Variants in ANKRD12 observed in about 807,000 individuals in gnomAD.
ANKRD12 encodes the protein ankyrin repeat domain-containing protein 12.
ANKRD12 carries 85 observed loss-of-function variants against 183.4 expected under a neutral mutation model. The observed-to-expected ratio is 0.46, with a 90% CI of 0.39 to 0.56. The LOEUF is 0.56. Among genes scored for constraint, ANKRD12 ranks in the 20% least tolerant of loss-of-function variants. The pLI is 0.00. For missense variants in ANKRD12, 2,405 were observed against 2,357.1 expected (o/e 1.02, Z -0.42); for synonymous variants, 914 against 800.2 (o/e 1.14, Z -2.40).
intron 2 of ANKRD12, 145 bp downstream of exon 2, chr18:9,182,664 G>A: frequency 4.5e-6 from 2 of 445,278 alleles, no homozygotes; most frequent in Non-Finnish European, 7.9e-6. Flanking sequence ...GAAATAAATT[G>A]GATTCCTGGG....
chr18:9,256,568 A>G lies in ANKRD12; in HGVS notation c.3301A>G (p.Lys1101Glu). ...IEQWHKKHKE[K>E]IKQKEKERLR... is the part of the protein sequence containing the mutation. The stretch of plus-strand genomic sequence containing the variant: ...ACAGTGGCACAAAAAACATAAGGAA[A>G]AAATTAAGCAAAAAGAAAAGGAACG... Residue 1101 changes from lysine (K) to glutamate (E), a missense_variant, in exon 9 of 13, where the codon AAA (lysine) becomes GAA (glutamate). Physicochemically the swap from Lys to Glu is moderately conservative, Grantham distance 56 (BLOSUM62 1). Transcript: ENST00000262126. 6.3e-7 allele frequency: 1 copy of G among 1,596,036 alleles called. No homozygotes were observed. The highest frequency in any genetic ancestry group is 1.4e-5 in the African/African-American group (1 of 73,510).
At position 9,219,689 on chromosome 18, in the gene ANKRD12, C is replaced by T. The variant is rs553537524; in HGVS notation, c.796-2163C>T. Among the ~76,000 whole-genome samples, 23 of 151,102 alleles carry T rather than the reference C, an allele frequency of 1.5e-4. 1 individual carries two copies. The South Asian group carries it at 4.0e-3, about 26-fold the overall frequency. On this transcript the variant is annotated intron_variant, in intron 7 of 12. Transcript: ENST00000262126. ...GTTGGCCCGTAGGTCATAATTTGCCCACCTCTGATTTAAAAGAGACAAGAA... is the reference window on the plus strand; with the variant it reads ...GTTGGCCCGTAGGTCATAATTTGCCTACCTCTGATTTAAAAGAGACAAGAA...
rs1164869958 is a variant in ANKRD12 at position 9,285,597 on chromosome 18, T to G, written c.*4471T>G. 6.6e-6 allele frequency: 1 copy of G among 152,128 alleles called. No individual in the cohort carries two copies. The highest frequency in any genetic ancestry group is 2.4e-5 in the African/African-American group (1 of 41,432). The allele number at this position is 152,128 out of a possible 1,614,324, so 9.4% of individuals were successfully genotyped here. ...AATTACCCAGATCTTAACTAGGCAG[T>G]TTGATAAATCCTGACAAATGTAAAC... On this transcript the variant is annotated 3_prime_UTR_variant, in exon 13 of 13. Transcript: ENST00000262126.
At chr18:9,272,140 T>C (rs1274838649) in intron 10 of ANKRD12, among the ~76,000 whole-genome samples, 1 of 152,160 alleles carries the variant, frequency 6.6e-6, no homozygotes, top group African/African-American at 2.4e-5. Flanking sequence ...GAGGCTCTGC[T>C]CTAGGGGTTT....
chr18:9,205,892 T>C (rs1262853867), intron 4 of ANKRD12, among the ~76,000 whole-genome samples: 1 of 152,120 alleles, frequency 6.6e-6, no homozygotes, highest in Non-Finnish European at 1.5e-5. Context: ...GAGACACTAA[T>C]AGGTTTATGA....
chr18:9,257,641 A>T lies in ANKRD12; in HGVS notation c.4374A>T (p.Val1458=). Residue 1458 remains valine (V), a synonymous_variant, in exon 9 of 13, where the codon GTA becomes GTT. Coordinates refer to ENST00000262126, the MANE Select transcript of ANKRD12 (RefSeq NM_015208.5). ...LQSFCNSENK[V]LKENADFLSL... is the part of the protein sequence containing the mutation. ...GTTTTTGTAATTCTGAAAATAAGGT[A>T]TTGAAAGAAAATGCTGATTTTTTAT... 1 of 1,613,976 alleles carries T rather than the reference A, an allele frequency of 6.2e-7. No individual in the cohort carries two copies.
intron 1 of ANKRD12, among the ~76,000 whole-genome samples, chr18:9,139,894 A>G (rs1337221934): frequency 6.6e-6 from 1 of 152,152 alleles, no homozygotes; most frequent in Non-Finnish European, 1.5e-5. Flanking sequence ...CTAGTTAAAA[A>G]CTAGTCTGTG....
intron 1 of ANKRD12, among the ~76,000 whole-genome samples, chr18:9,178,435 A>C (rs2033455408): frequency 6.6e-6 from 1 of 152,120 alleles, no homozygotes; most frequent in African/African-American, 2.4e-5. Flanking sequence ...AGATTTGTTG[A>C]AAATCGGTTG....
intron 8 of ANKRD12, among the ~76,000 whole-genome samples, chr18:9,251,387 A>G (rs892563903): frequency 6.6e-6 from 1 of 152,250 alleles, no homozygotes; most frequent in Non-Finnish European, 1.5e-5. Flanking sequence ...CATGCTTTAA[A>G]TGTTACAGTC....
chr18:9,255,642 C>A lies in ANKRD12; in HGVS notation c.2375C>A (p.Ala792Asp). Residue 792 changes from alanine to aspartate, a missense_variant, in exon 9 of 13, where the codon GCC becomes GAC. Ala to Asp is a moderately radical substitution (Grantham distance 126). Transcript: ENST00000262126. Reference sequence around the variant, plus strand: ...GAATTTACTTCTTTGGGTATGAGTGCCATTGAGGAATCTATAGGGCTTCAT... The same window carrying A: ...GAATTTACTTCTTTGGGTATGAGTGACATTGAGGAATCTATAGGGCTTCAT... The part of the protein sequence containing the change: ...DSEFTSLGMS[A>D]IEESIGLHLV... 1 of 1,576,146 alleles carries A rather than the reference C, an allele frequency of 6.3e-7. No homozygotes were observed. The highest frequency in any genetic ancestry group is 1.2e-5 in the South Asian group (1 of 82,682).
intron 8 of ANKRD12, among the ~76,000 whole-genome samples, chr18:9,252,197 C>T (rs1248809032): frequency 6.6e-6 from 1 of 152,160 alleles, no homozygotes; most frequent in Non-Finnish European, 1.5e-5. Context: ...AGCTCAGGAT[C>T]AGGTTGATCT....
At chr18:9,268,758 GA>G (rs1286967144) in intron 10 of ANKRD12, among the ~76,000 whole-genome samples, 1 of 152,164 alleles carries the variant, frequency 6.6e-6, no homozygotes, top group African/African-American at 2.4e-5. Flanking sequence ...CATAGTGTTG[GA>G]AGTTGTGGCC....
chr18:9,269,311 A>T (rs544989729), intron 10 of ANKRD12, among the ~76,000 whole-genome samples: 5 of 152,352 alleles, frequency 3.3e-5, no homozygotes, highest in African/African-American at 1.2e-4. Context: ...CGCATTGCCA[A>T]GTCAGTCCTA....
In ANKRD12 at chr18:9,157,577, G is replaced by GTATATATATA. The variant is rs1439951194; in HGVS notation, c.-52+20613_-52+20614insATATATATAT. 5.0e-3 allele frequency among the ~76,000 whole-genome samples: 572 copies of GTATATATATA among 114,234 alleles called. 12 individuals carry two copies. Among genetic ancestry groups the GTATATATATA allele is most frequent in the Non-Finnish European group, 7.5e-3 (432 of 57,796 alleles). 74.9% of individuals were successfully genotyped at this position (114,234 alleles called of 152,430 possible). A position where few individuals can be genotyped will look rare whatever the true frequency, so the allele number is the denominator to read the frequency against. On this transcript the variant is annotated intron_variant, in intron 1 of 12. Coordinates refer to ENST00000262126, the MANE Select transcript of ANKRD12 (RefSeq NM_015208.5). ...TGTGTGTGTGTGTGTGTGTGTGTGTGTGTGTGTGTATATATATATATATGT... is the reference window on the plus strand; with the variant it reads ...TGTGTGTGTGTGTGTGTGTGTGTGTGTATATATATATGTGTGTGTATATATATATATATGT...
At chr18:9,152,944 G>A (rs947442803) in intron 1 of ANKRD12, among the ~76,000 whole-genome samples, 7 of 151,794 alleles carry the variant, frequency 4.6e-5, no homozygotes, top group Non-Finnish European at 8.8e-5. Context: ...AGACTTATTA[G>A]ATTATAAACT....
chr18:9,252,258 A>G (rs1300558878), intron 8 of ANKRD12, among the ~76,000 whole-genome samples: 1 of 152,192 alleles, frequency 6.6e-6, no homozygotes, highest in African/African-American at 2.4e-5. Context: ...AGGTAAAGAA[A>G]GGGAAGTGGT....
At chr18:9,181,198 G>T (rs1307630682) in intron 1 of ANKRD12, among the ~76,000 whole-genome samples, 1 of 152,076 alleles carries the variant, frequency 6.6e-6, no homozygotes, top group Admixed American at 6.5e-5. Context: ...GTAGTTTTTT[G>T]TGTTGTAATG....
intron 10 of ANKRD12, among the ~76,000 whole-genome samples, chr18:9,268,831 T>G (rs1336270600): frequency 6.6e-6 from 1 of 152,164 alleles, no homozygotes; most frequent in Non-Finnish European, 1.5e-5. Flanking sequence ...GAAGTCAAAT[T>G]GTCCCTGTTT....
chr18:9,261,758 T>C (rs981751594), intron 9 of ANKRD12, among the ~76,000 whole-genome samples: 2 of 152,196 alleles, frequency 1.3e-5, no homozygotes, highest in Admixed American at 6.5e-5. Flanking sequence ...CCTCCCTCCT[T>C]TTCCTTTCTT....
Sources: gnomAD v4.1 joint callset for allele counts (sites outside exome capture counted in the v4.1 genomes callset) on GRCh38, gnomAD v4.1.1 for gene constraint, MANE v1.5 for transcripts, NCBI Gene and HGNC (gene_info 2026-07-23, HGNC 2026-07-21) for gene names.